Variants in CCDC63 observed in about 807,000 individuals in gnomAD.
CCDC63 encodes coiled-coil domain-containing protein 63.
A neutral mutation model predicts 63.6 loss-of-function variants in CCDC63; 54 were observed. The observed-to-expected ratio is 0.85, with a 90% CI of 0.68 to 1.07. CCDC63 has a LOEUF of 1.07. CCDC63 is among the 50% of genes least tolerant of loss of function. CCDC63 has a pLI of 0.00. For missense variants in CCDC63, 637 were observed against 689.6 expected (o/e 0.92, Z 0.86); for synonymous variants, 253 against 266.1 (o/e 0.95, Z 0.48).
rs968049255 is a variant in CCDC63 at position 110,907,274 on chromosome 12, AGCCCCAGCCCTGG to A, written c.1547-55_1547-43del. On this transcript the variant is annotated intron_variant, in intron 11 of 11. Coordinates refer to ENST00000308208, the MANE Select transcript of CCDC63 (RefSeq NM_152591.3). This position sits in a 1 kb window ranked among gnomAD's most constrained non-coding sequence, Gnocchi z 4.4. ...TATGGAGGGACGCCAAACCAGGCTT[AGCCCCAGCCCTGG>A]GGTTGATTTCCCAGCACCTCACACA... 6 of 1,573,560 alleles carry A rather than the reference AGCCCCAGCCCTGG, an allele frequency of 3.8e-6. No homozygotes were observed. The Admixed American group carries it at 8.7e-5, about 23-fold the overall frequency.
At chr12:110,881,012 G>A (rs1476052952) in intron 6 of CCDC63, 103 bp from the exon 7 acceptor site, 1 of 1,009,566 alleles carries the variant, frequency 9.9e-7, no homozygotes, top group Non-Finnish European at 1.4e-6. Context: ...ATAAATAAAA[G>A]TGATAGTCAT....
At chr12:110,905,123 G>C (rs555743684) in intron 11 of CCDC63, among the ~76,000 whole-genome samples, 1 of 152,102 alleles carries the variant, frequency 6.6e-6, no homozygotes, top group Non-Finnish European at 1.5e-5. Context: ...CAAGTTATGA[G>C]TAAACAGAGT....
At chr12:110,861,601 C>T (rs2070853990) in intron 4 of CCDC63, among the ~76,000 whole-genome samples, 1 of 151,902 alleles carries the variant, frequency 6.6e-6, no homozygotes. Flanking sequence ...AAACGGAGTC[C>T]CACTCTGTCA....
At chr12:110,902,901 A>T (rs1473473550) in intron 10 of CCDC63, among the ~76,000 whole-genome samples, 3 of 119,534 alleles carry the variant, frequency 2.5e-5, no homozygotes, top group Non-Finnish European at 5.5e-5. Context: ...TTTTTTTTTT[A>T]AGATGGAGTC....
In CCDC63 at chr12:110,873,978, C is replaced by G. The variant is rs79769562; in HGVS notation, c.489+17C>G. ...TTGAATCTCGTATGTAAAGTGTTCT[C>G]TGCAGCTCTGCAAACAGCTCTGCCC... On this transcript the variant is annotated intron_variant, in intron 5 of 11. Transcript: ENST00000308208. 1 of 1,602,000 alleles carries G rather than the reference C, an allele frequency of 6.2e-7. No homozygotes were observed. Among genetic ancestry groups the G allele is most frequent in the East Asian group, 2.2e-5 (1 of 44,624 alleles).
At chr12:110,867,196 C>T (rs868343839) in intron 4 of CCDC63, among the ~76,000 whole-genome samples, 4,234 of 127,884 alleles carry the variant, frequency 0.033, 41 homozygotes, top group East Asian at 0.075. Context: ...ACCTCCCTCC[C>T]GGACGGGGCG....
At chr12:110,844,598 A>G (rs2070620132), upstream of CCDC63, among the ~76,000 whole-genome samples, 1 of 152,178 alleles carries the variant, frequency 6.6e-6, no homozygotes, top group Non-Finnish European at 1.5e-5. Context: ...GGACCAGTAG[A>G]AGTTTCTGGG....
At chr12:110,854,539 C>T (rs2070747561) in intron 3 of CCDC63, among the ~76,000 whole-genome samples, 1 of 152,012 alleles carries the variant, frequency 6.6e-6, no homozygotes, top group African/African-American at 2.4e-5. Context: ...AGATGATCCA[C>T]CCACCTCGGC....
chr12:110,846,454 G>A (rs1566111213), upstream of CCDC63, among the ~76,000 whole-genome samples: 2 of 152,118 alleles, frequency 1.3e-5, no homozygotes, highest in Non-Finnish European at 2.9e-5. Context: ...TGGGGGTCAG[G>A]TGGATGTTCT....
intron 1 of CCDC63, among the ~76,000 whole-genome samples, chr12:110,852,079 G>T (rs1309358994): frequency 1.3e-5 from 2 of 152,180 alleles, no homozygotes; most frequent in African/African-American, 4.8e-5. Flanking sequence ...CAAAGGATGT[G>T]ATGTGTGGGA....
chr12:110,868,380 C>A (rs866122154), intron 4 of CCDC63, among the ~76,000 whole-genome samples: 1 of 148,192 alleles, frequency 6.7e-6, no homozygotes, highest in African/African-American at 2.5e-5. Context: ...CCAAGGCAGG[C>A]GGCTGGGAGG....
At chr12:110,898,318 A>T (rs1441127293) in intron 9 of CCDC63, among the ~76,000 whole-genome samples, 3 of 151,106 alleles carry the variant, frequency 2.0e-5, no homozygotes, top group Non-Finnish European at 4.4e-5. Context: ...TTAAAGAGTC[A>T]ACAGCTTTTA....
At chr12:110,895,824 A>AG (rs1217436215) in intron 9 of CCDC63, among the ~76,000 whole-genome samples, 2 of 152,240 alleles carry the variant, frequency 1.3e-5, no homozygotes, top group African/African-American at 4.8e-5. Flanking sequence ...CATGTGAGCC[A>AG]GAAAAACTGG....
chr12:110,891,235 C>A (rs983340908), intron 8 of CCDC63, among the ~76,000 whole-genome samples: 13 of 151,490 alleles, frequency 8.6e-5, no homozygotes, highest in African/African-American at 2.4e-4. Context: ...CGCTTGAACC[C>A]GAGAGGCAGA....
intron 4 of CCDC63, among the ~76,000 whole-genome samples, chr12:110,869,752 A>G (rs1305689264): frequency 6.6e-6 from 1 of 152,202 alleles, no homozygotes; most frequent in African/African-American, 2.4e-5. Context: ...CCTGCCAGCC[A>G]TGGCAGTGTA....
chr12:110,856,573 TAAATA>T (rs142467693), intron 3 of CCDC63, among the ~76,000 whole-genome samples: 2,359 of 152,172 alleles, frequency 0.016, 57 homozygotes, highest in African/African-American at 0.055. Context: ...TTAATTAAAA[TAAATA>T]AAATAAAATA....
Position 110,853,417 on chromosome 12 carries a change from A to G in CCDC63, c.22A>G (p.Arg8Gly). Residue 8 changes from arginine (R) to glycine (G), a missense_variant, in exon 3 of 12, where the codon AGG (arginine) becomes GGG (glycine). Coordinates refer to ENST00000308208, the MANE Select transcript of CCDC63 (RefSeq NM_152591.3). ...CCATCTCCCCCAGTTGAAGAAGAAC[A>G]GGAGAAAAGACTCCGACACTCCCCA... MSVLKKN[R>G]RKDSDTPQEP... 1 of 1,609,708 alleles carries G rather than the reference A, an allele frequency of 6.2e-7. No homozygotes were observed. Among genetic ancestry groups the G allele is most frequent in the Non-Finnish European group, 8.5e-7 (1 of 1,179,046 alleles).
At chr12:110,891,908 A>G (rs993430856) in intron 8 of CCDC63, among the ~76,000 whole-genome samples, 2 of 152,148 alleles carry the variant, frequency 1.3e-5, no homozygotes, top group Admixed American at 1.3e-4. Context: ...TGTTATTTCC[A>G]TGGGACAGAC....
intron 3 of CCDC63, among the ~76,000 whole-genome samples, chr12:110,858,234 T>C (rs185163450): frequency 3.5e-4 from 53 of 152,234 alleles, no homozygotes; most frequent in African/African-American, 1.1e-3. Context: ...CGGTAAAGTC[T>C]GGAAAGATGG....
Sources: gnomAD v4.1 joint callset for allele counts (sites outside exome capture counted in the v4.1 genomes callset) on GRCh38, gnomAD v4.1.1 for gene constraint, Gnocchi (gnomAD v3.1) non-coding constraint, MANE v1.5 for transcripts, NCBI Gene and HGNC (gene_info 2026-07-23, HGNC 2026-07-21) for gene names.